Variants in EVC2 observed in about 807,000 individuals in gnomAD.
EVC2 encodes the protein limbin.
In EVC2, 148 loss-of-function variants were observed where a neutral mutation model predicts 149.3. The ratio of observed to expected loss-of-function variants is 0.99; its 90% CI spans 0.87 to 1.14. EVC2 has a LOEUF of 1.14. Among genes scored for constraint, EVC2 ranks in the 50% most tolerant of loss-of-function variants. The pLI is 0.00. For missense variants in EVC2, 1,854 were observed against 1,627.3 expected, an observed-to-expected ratio of 1.14 and a Z score of -2.40; for synonymous variants, 776 against 649.9, an observed-to-expected ratio of 1.19 and a Z score of -2.95.
At chr4:5,698,261 C>T (rs920795351) in intron 1 of EVC2, among the ~76,000 whole-genome samples, 4 of 152,122 alleles carry the variant, frequency 2.6e-5, no homozygotes, top group Non-Finnish European at 5.9e-5. Flanking sequence ...TAGCCCTGCC[C>T]TCCATCAACT....
chr4:5,629,736 A>G (rs984006082), intron 11 of EVC2, among the ~76,000 whole-genome samples: 10 of 152,212 alleles, frequency 6.6e-5, no homozygotes, highest in South Asian at 4.1e-4. Context: ...CACACACACT[A>G]GCATCTCCCT....
downstream of EVC2, among the ~76,000 whole-genome samples, chr4:5,558,628 G>A (rs1449475587): frequency 6.6e-6 from 1 of 152,190 alleles, no homozygotes; most frequent in Non-Finnish European, 1.5e-5. Context: ...TGCAGAATGT[G>A]TCAAAATAAT....
chr4:5,590,696 A>G (rs1368164267), intron 16 of EVC2, among the ~76,000 whole-genome samples: 2 of 152,120 alleles, frequency 1.3e-5, no homozygotes, highest in Admixed American at 6.5e-5. Flanking sequence ...TCACATTCTG[A>G]TGTCAGAAGG....
chr4:5,699,685 G>C (rs1721706301), intron 1 of EVC2, among the ~76,000 whole-genome samples: 1 of 151,422 alleles, frequency 6.6e-6, no homozygotes, highest in Admixed American at 6.6e-5. Flanking sequence ...GCCAGATGTA[G>C]TGGCACATGC....
intron 9 of EVC2, among the ~76,000 whole-genome samples, chr4:5,645,421 C>G (rs1298239438): frequency 6.6e-6 from 1 of 151,770 alleles, no homozygotes; most frequent in East Asian, 1.9e-4. Flanking sequence ...CACTCTCCAC[C>G]CTCTGATAGG....
intron 10 of EVC2, among the ~76,000 whole-genome samples, chr4:5,639,644 C>T (rs951521247): frequency 6.6e-6 from 1 of 152,172 alleles, no homozygotes; most frequent in African/African-American, 2.4e-5. Flanking sequence ...ACTGTGAGTT[C>T]AGGTTTTTCT....
intron 21 of EVC2, among the ~76,000 whole-genome samples, chr4:5,564,144 T>C (rs1472784971): frequency 1.3e-5 from 2 of 152,300 alleles, no homozygotes; most frequent in Admixed American, 1.3e-4. Flanking sequence ...TTCCACTCCA[T>C]TGCCATCACC....
intron 8 of EVC2, among the ~76,000 whole-genome samples, chr4:5,665,224 T>C (rs547579150): frequency 6.6e-6 from 1 of 152,232 alleles, no homozygotes; most frequent in East Asian, 1.9e-4. Flanking sequence ...GCAGGAGGAC[T>C]GCTTAAGCCC....
At chr4:5,707,395 G>C (rs576423814) in intron 1 of EVC2, among the ~76,000 whole-genome samples, 2 of 152,238 alleles carry the variant, frequency 1.3e-5, no homozygotes, top group South Asian at 4.2e-4. Flanking sequence ...AGAGAGGTGG[G>C]AGGACCTCAG....
intron 21 of EVC2, among the ~76,000 whole-genome samples, chr4:5,544,259 AAAAG>A (rs987818315): frequency 3.3e-5 from 5 of 152,286 alleles, no homozygotes; most frequent in African/African-American, 1.2e-4. Context: ...GAAAAAAAAA[AAAAG>A]AGAGAAAATT....
At chr4:5,595,677 C>A (rs13116767) in intron 16 of EVC2, among the ~76,000 whole-genome samples, 5 of 151,862 alleles carry the variant, frequency 3.3e-5, no homozygotes, top group African/African-American at 7.3e-5. Context: ...GCAAAATAAC[C>A]AGCTAACATC....
chr4:5,531,649 C>T, the EVC2 span, among the ~76,000 whole-genome samples: 1 of 151,992 alleles, frequency 6.6e-6, no homozygotes, highest in Non-Finnish European at 1.5e-5. Context: ...TTGCGTGCTC[C>T]TTTTGAAAAT....
intron 16 of EVC2, among the ~76,000 whole-genome samples, chr4:5,604,421 C>A (rs114367695): frequency 4.6e-5 from 7 of 152,094 alleles, no homozygotes; most frequent in South Asian, 4.1e-4. Context: ...ATTAAAGTTA[C>A]GTCAGTGTTA....
intron 17 of EVC2, among the ~76,000 whole-genome samples, chr4:5,580,821 C>A (rs1180836616): frequency 4.1e-4 from 2 of 4,918 alleles, no homozygotes; most frequent in Non-Finnish European, 1.0e-3. Flanking sequence ...GAATTGTAAT[C>A]CCCAGTGTTG....
In EVC2 at chr4:5,670,361, C is replaced by G. The variant is rs1445585756; in HGVS notation, c.871-4712G>C. On this transcript the variant is annotated intron_variant, in intron 7 of 21. Transcript: ENST00000344408. This position sits in a 1 kb window ranked among gnomAD's most constrained non-coding sequence, Gnocchi z 5.2. ...ATCACCACAATGACTGTCACCACCACCATCACCACCATCATTATCAACATC... is the reference window on the plus strand; with the variant it reads ...ATCACCACAATGACTGTCACCACCAGCATCACCACCATCATTATCAACATC... Among the ~76,000 whole-genome samples, 1 of 151,898 alleles carries G rather than the reference C, an allele frequency of 6.6e-6. No individual in the cohort carries two copies. Among genetic ancestry groups the G allele is most frequent in the Non-Finnish European group, 1.5e-5 (1 of 67,976 alleles).
intron 6 of EVC2, among the ~76,000 whole-genome samples, chr4:5,684,032 T>G (rs1720529407): frequency 6.6e-6 from 1 of 152,192 alleles, no homozygotes; most frequent in Admixed American, 6.5e-5. Flanking sequence ...AGTTTCTGAT[T>G]TGCTTTCTGA....
At chr4:5,655,987 C>A (rs1354972500) in intron 9 of EVC2, among the ~76,000 whole-genome samples, 1 of 152,212 alleles carries the variant, frequency 6.6e-6, no homozygotes, top group Non-Finnish European at 1.5e-5. Context: ...GGAACCATGT[C>A]TATCCCTATT....
the EVC2 span, among the ~76,000 whole-genome samples, chr4:5,532,972 A>G: frequency 3.9e-3 from 588 of 151,414 alleles, 5 homozygotes; most frequent in African/African-American, 0.014. Flanking sequence ...GAAGAGGAAT[A>G]AAGGAACCGA....
chr4:5,609,833 G>C (rs985609525), intron 16 of EVC2, among the ~76,000 whole-genome samples: 1 of 152,184 alleles, frequency 6.6e-6, no homozygotes, highest in African/African-American at 2.4e-5. Context: ...TCTGCTTCCC[G>C]TGCTGGGTCT....
Sources: gnomAD v4.1 joint callset for allele counts (sites outside exome capture counted in the v4.1 genomes callset) on GRCh38, gnomAD v4.1.1 for gene constraint, Gnocchi (gnomAD v3.1) non-coding constraint, MANE v1.5 for transcripts, NCBI Gene and HGNC (gene_info 2026-07-23, HGNC 2026-07-21) for gene names.